The following TAF3 variants were observed in gnomAD, a reference collection of about 807,000 sequenced individuals.
TAF3 encodes the protein TATA-box binding protein associated factor 3.
Under a neutral mutation model 80.6 loss-of-function variants are expected in TAF3, and 7 were observed. The ratio of observed to expected loss-of-function variants is 0.09; its 90% CI spans 0.05 to 0.16. TAF3 has a LOEUF of 0.16. Among genes scored for constraint, TAF3 ranks in the 10% least tolerant of loss-of-function variants. The pLI is 1.00. For synonymous variants in TAF3, 444 were observed against 446.1 expected (o/e 1.00, Z 0.06); for missense variants, 921 against 1,140.2 (o/e 0.81, Z 2.77).
chr10:7,879,017 C>T (rs950732828), intron 2 of TAF3, among the ~76,000 whole-genome samples: 1 of 152,064 alleles, frequency 6.6e-6, no homozygotes, highest in Non-Finnish European at 1.5e-5. Context: ...CATAAGTCAC[C>T]GCGCCTGGCA....
intron 2 of TAF3, among the ~76,000 whole-genome samples, chr10:7,913,459 A>C (rs1322206131): frequency 1.3e-5 from 2 of 152,232 alleles, no homozygotes; most frequent in Non-Finnish European, 2.9e-5. Flanking sequence ...GAAATAGAGA[A>C]GTCAGAAGCT....
intron 4 of TAF3, among the ~76,000 whole-genome samples, chr10:7,983,700 G>T (rs891484975): frequency 6.6e-6 from 1 of 152,140 alleles, no homozygotes; most frequent in Non-Finnish European, 1.5e-5. Flanking sequence ...TGAGCTGGAC[G>T]TAGTGGCGTG....
intron 2 of TAF3, among the ~76,000 whole-genome samples, chr10:7,926,415 C>T (rs1837815952): frequency 6.6e-6 from 1 of 152,082 alleles, no homozygotes; most frequent in Admixed American, 6.5e-5. Flanking sequence ...CTAAAAATCC[C>T]TTTTCAAGTA....
rs555503785 is a variant in TAF3 at position 7,919,127 on chromosome 10, T to C, written c.410-44793T>C. On this transcript the variant is annotated intron_variant, in intron 2 of 6. Coordinates refer to ENST00000344293, the MANE Select transcript of TAF3 (RefSeq NM_031923.4). Reference sequence around the variant, plus strand: ...ACAGAATCTGAAAAAAAATGGGAGATTGAGTGCGACTAGGGGCCAGAAAAC... The same window carrying C: ...ACAGAATCTGAAAAAAAATGGGAGACTGAGTGCGACTAGGGGCCAGAAAAC... Among the ~76,000 whole-genome samples, 8 of 152,194 alleles carry C rather than the reference T, an allele frequency of 5.3e-5. No individual in the cohort carries two copies. In the East Asian group the frequency reaches 1.5e-3, roughly 29 times the overall value.
chr10:7,844,517 C>A (rs1365418128), intron 2 of TAF3, among the ~76,000 whole-genome samples: 3 of 151,982 alleles, frequency 2.0e-5, no homozygotes, highest in South Asian at 2.1e-4. Context: ...GTTGGGATTA[C>A]AGGTGTGTGC....
chr10:7,837,039 C>T (rs1434193438), intron 2 of TAF3, among the ~76,000 whole-genome samples: 1 of 152,180 alleles, frequency 6.6e-6, no homozygotes, highest in Admixed American at 6.5e-5. Context: ...CCAGCCTGGA[C>T]AACATAGTGA....
chr10:7,874,777 T>G (rs1204985994), intron 2 of TAF3, among the ~76,000 whole-genome samples: 2 of 152,178 alleles, frequency 1.3e-5, no homozygotes, highest in East Asian at 3.9e-4. Flanking sequence ...TTCTTTTCTT[T>G]TCTAGGTGCA....
chr10:7,960,431 T>C (rs1838179171), intron 2 of TAF3, among the ~76,000 whole-genome samples: 1 of 152,216 alleles, frequency 6.6e-6, no homozygotes, highest in African/African-American at 2.4e-5. Flanking sequence ...CATGTATAAC[T>C]GGAACACAGT....
At chr10:7,899,463 C>T (rs1398834342) in intron 2 of TAF3, among the ~76,000 whole-genome samples, 1 of 152,224 alleles carries the variant, frequency 6.6e-6, no homozygotes, top group Non-Finnish European at 1.5e-5. Context: ...TTTACTTACA[C>T]ATTTGCATTT....
chr10:7,978,609 T>A (rs892279603), intron 4 of TAF3, among the ~76,000 whole-genome samples: 2 of 152,184 alleles, frequency 1.3e-5, no homozygotes, highest in Non-Finnish European at 2.9e-5. Context: ...CTAATGCCCC[T>A]ATCTTACCTA....
chr10:7,961,659 C>T (rs186278686), intron 2 of TAF3, among the ~76,000 whole-genome samples: 3 of 152,310 alleles, frequency 2.0e-5, no homozygotes, highest in Non-Finnish European at 2.9e-5. Flanking sequence ...CACTCTTTCT[C>T]TCATGCACTC....
intron 4 of TAF3, among the ~76,000 whole-genome samples, chr10:7,995,407 A>C (rs1031158729): frequency 6.6e-6 from 1 of 152,148 alleles, no homozygotes; most frequent in African/African-American, 2.4e-5. Flanking sequence ...CTTTTTCCCT[A>C]TGACCTTTAT....
At chr10:7,934,254 T>C (rs1286416528) in intron 2 of TAF3, among the ~76,000 whole-genome samples, 1 of 152,230 alleles carries the variant, frequency 6.6e-6, no homozygotes, top group Non-Finnish European at 1.5e-5. Flanking sequence ...TCAGTTAGTC[T>C]AAAATAAAAT....
chr10:7,840,037 A>C (rs912442103), intron 2 of TAF3, among the ~76,000 whole-genome samples: 3 of 152,204 alleles, frequency 2.0e-5, no homozygotes, highest in African/African-American at 4.8e-5. Flanking sequence ...CACATTTCCA[A>C]TGCTATAGTA....
intron 3 of TAF3, among the ~76,000 whole-genome samples, chr10:7,968,070 T>G (rs1048538006): frequency 2.0e-5 from 3 of 152,050 alleles, no homozygotes; most frequent in African/African-American, 7.2e-5. Context: ...ACACCTGAAA[T>G]GCGGTTCCAT....
chr10:8,009,419 C>T lies in TAF3; in HGVS notation c.2568+89C>T, dbSNP rs1166391460. The T allele has an allele frequency of 7.0e-7, 1 of 1,431,732 alleles. No homozygotes were observed. The highest frequency in any genetic ancestry group is 3.2e-5 in the East Asian group (1 of 31,238). 88.7% of individuals were successfully genotyped at this position (1,431,732 alleles called of 1,614,324 possible). ...CTGAATCACTATCGAATTTCAGACG[C>T]ATTTCTCTTCAAAATTTTATTATTT... On this transcript the variant is annotated intron_variant, in intron 5 of 6. Coordinates refer to ENST00000344293, the MANE Select transcript of TAF3 (RefSeq NM_031923.4). The surrounding 1 kb of genome is among the most constrained non-coding windows in gnomAD (Gnocchi z 4.1).
chr10:7,921,477 G>A (rs1485123145), intron 2 of TAF3, among the ~76,000 whole-genome samples: 1 of 151,998 alleles, frequency 6.6e-6, no homozygotes, highest in Non-Finnish European at 1.5e-5. Flanking sequence ...CAAACTTCAG[G>A]TCATGACCCA....
At chr10:7,887,254 A>C (rs997652069) in intron 2 of TAF3, among the ~76,000 whole-genome samples, 2 of 151,748 alleles carry the variant, frequency 1.3e-5, no homozygotes, top group East Asian at 3.9e-4. Context: ...AAAAAGAAAG[A>C]AAGCTGGTTA....
intron 4 of TAF3, among the ~76,000 whole-genome samples, chr10:7,991,961 T>C (rs1723292893): frequency 6.6e-6 from 1 of 152,228 alleles, no homozygotes; most frequent in Non-Finnish European, 1.5e-5. Flanking sequence ...TTCAAATAAC[T>C]TGGGATGTCA....
Sources: allele counts gnomAD v4.1 joint callset (sites outside exome capture counted in the v4.1 genomes callset), GRCh38; gene constraint gnomAD v4.1.1; non-coding constraint Gnocchi (gnomAD v3.1); transcripts MANE v1.5; gene names NCBI Gene and HGNC (gene_info 2026-07-23, HGNC 2026-07-21).